The following SLC2A13 variants were observed in gnomAD, a reference collection of about 807,000 sequenced individuals.
SLC2A13 encodes solute carrier family 2 member 13.
In SLC2A13, 32 loss-of-function variants were observed where a neutral mutation model predicts 64.4. The ratio of observed to expected loss-of-function variants is 0.50; its 90% CI spans 0.37 to 0.67. The LOEUF (loss-of-function observed/expected upper bound fraction) is 0.67. Ranked by LOEUF, SLC2A13 falls within the 30% of genes least tolerant of loss-of-function variation. The pLI, the probability that SLC2A13 is intolerant of heterozygous loss-of-function variation, is 0.00. For synonymous variants in SLC2A13, 338 were observed against 327.1 expected, an observed-to-expected ratio of 1.03 and a Z score of -0.36; for missense variants, 743 against 829.2, an observed-to-expected ratio of 0.90 and a Z score of 1.28.
chr12:39,833,341 C>T (rs1050263815), intron 6 of SLC2A13, among the ~76,000 whole-genome samples: 1 of 152,050 alleles, frequency 6.6e-6, no homozygotes, highest in African/African-American at 2.4e-5. Context: ...GGAGATATTT[C>T]GCCCTTTTTT....
chr12:39,891,995 C>T (rs961583944), intron 4 of SLC2A13, among the ~76,000 whole-genome samples: 1 of 152,024 alleles, frequency 6.6e-6, no homozygotes, highest in Non-Finnish European at 1.5e-5. Context: ...TAGGTTTAAT[C>T]AAGTCTATTA....
intron 4 of SLC2A13, among the ~76,000 whole-genome samples, chr12:39,920,580 T>C (rs1592284094): frequency 6.6e-6 from 1 of 152,174 alleles, no homozygotes; most frequent in Middle Eastern, 3.4e-3. Flanking sequence ...TCAGTGAACA[T>C]TTATAGAGAC....
At chr12:39,916,736 G>A (rs1462353013) in intron 4 of SLC2A13, among the ~76,000 whole-genome samples, 1 of 152,044 alleles carries the variant, frequency 6.6e-6, no homozygotes, top group South Asian at 2.1e-4. Context: ...ACAAAATTTA[G>A]AAGTCCTTGT....
Position 39,764,769 on chromosome 12 carries a change from C to T in SLC2A13, c.1535G>A (p.Gly512Asp). 1 of 1,612,752 alleles carries T rather than the reference C, an allele frequency of 6.2e-7. No homozygotes were observed. The highest frequency in any genetic ancestry group is 8.5e-7 in the Non-Finnish European group (1 of 1,179,300). Reference sequence around the variant, plus strand: ...AAAGAAGACAAGATATAAAATAAGGCCCAGAAGTGCAGTCCAGGAGTATGG... The same window carrying T: ...AAAGAAGACAAGATATAAAATAAGGTCCAGAAGTGCAGTCCAGGAGTATGG... ...PTPYSWTALL[G>D]LILYLVFFAP... Residue 512 changes from glycine (G) to aspartate (D), a missense_variant, in exon 8 of 10, where the codon GGC becomes GAC. Physicochemically the swap from Gly to Asp is moderately conservative, Grantham distance 94. Coordinates refer to ENST00000280871, the MANE Select transcript of SLC2A13 (RefSeq NM_052885.4).
In SLC2A13 at chr12:40,014,070, T is replaced by C. The variant is rs1947577933; in HGVS notation, c.925+14231A>G. 4.6e-5 allele frequency among the ~76,000 whole-genome samples: 7 copies of C among 152,208 alleles called. No homozygotes were observed. In the South Asian group the frequency reaches 1.4e-3, roughly 32 times the overall value. ...GAGTACCTGATCTTATCTAGTACAT[T>C]ATAAAAGTTCCTGGAGACAAAAGCC... On this transcript the variant is annotated intron_variant, in intron 3 of 9. Transcript: ENST00000280871.
At chr12:40,077,149 A>C (rs1394147894) in intron 1 of SLC2A13, among the ~76,000 whole-genome samples, 1 of 152,038 alleles carries the variant, frequency 6.6e-6, no homozygotes, top group Non-Finnish European at 1.5e-5. Context: ...GAAGCTCTTT[A>C]GTTTAACTAG....
chr12:39,859,285 C>CA (rs35512219), intron 6 of SLC2A13, among the ~76,000 whole-genome samples: 78,903 of 117,022 alleles, frequency 0.67, 24,480 homozygotes, highest in East Asian at 0.78. Context: ...AAACAAAAAC[C>CA]AAAAAAAAAG....
At chr12:39,872,155 T>C (rs972579888) in intron 4 of SLC2A13, among the ~76,000 whole-genome samples, 194 bp from the exon 5 acceptor site, 2 of 152,186 alleles carry the variant, frequency 1.3e-5, no homozygotes, top group Non-Finnish European at 2.9e-5. Flanking sequence ...AAATTTATTT[T>C]GGAGTTTGTA....
intron 7 of SLC2A13, among the ~76,000 whole-genome samples, chr12:39,824,207 A>G (rs921630677): frequency 1.3e-5 from 2 of 152,228 alleles, no homozygotes; most frequent in Admixed American, 6.5e-5. Context: ...TACAGGTATC[A>G]TTCATTATTC....
intron 1 of SLC2A13, among the ~76,000 whole-genome samples, chr12:40,085,142 T>C (rs947555867): frequency 4.6e-5 from 7 of 152,152 alleles, no homozygotes; most frequent in African/African-American, 1.7e-4. Context: ...GTACCAACAG[T>C]GGAGGACTCC....
At chr12:39,928,026 G>A (rs933999999) in intron 4 of SLC2A13, among the ~76,000 whole-genome samples, 1 of 152,046 alleles carries the variant, frequency 6.6e-6, no homozygotes, top group Admixed American at 6.6e-5. Context: ...TGCAGGAAAC[G>A]AATTACATTT....
chr12:40,086,028 A>G (rs2638275), intron 1 of SLC2A13, among the ~76,000 whole-genome samples: 152,041 of 152,252 alleles, frequency 1, 75,916 homozygotes, highest in Middle Eastern at 1. Flanking sequence ...TAGTAGCGAC[A>G]GGGTTTCACC....
intron 2 of SLC2A13, among the ~76,000 whole-genome samples, chr12:40,031,233 T>A (rs1947898174): frequency 1.3e-5 from 2 of 151,678 alleles, no homozygotes; most frequent in South Asian, 4.2e-4. Context: ...TTTATTTATT[T>A]ATTTTTTTAG....
At chr12:39,781,244 T>C (rs963933053) in intron 7 of SLC2A13, among the ~76,000 whole-genome samples, 17 of 152,162 alleles carry the variant, frequency 1.1e-4, no homozygotes, top group Non-Finnish European at 1.9e-4. Context: ...GTGAATAGCT[T>C]AACAGGTCTA....
At chr12:40,069,266 C>G (rs765332956) in intron 1 of SLC2A13, among the ~76,000 whole-genome samples, 1 of 151,590 alleles carries the variant, frequency 6.6e-6, no homozygotes, top group Non-Finnish European at 1.5e-5. Context: ...GTATTCATTC[C>G]CAGAAATAAT....
At chr12:39,897,306 C>A (rs957387466) in intron 4 of SLC2A13, among the ~76,000 whole-genome samples, 2 of 152,180 alleles carry the variant, frequency 1.3e-5, no homozygotes, top group African/African-American at 2.4e-5. Context: ...CCTGCACAGA[C>A]TATCTGAAAG....
At chr12:39,838,333 G>T (rs963591710) in intron 6 of SLC2A13, among the ~76,000 whole-genome samples, 1 of 123,386 alleles carries the variant, frequency 8.1e-6, no homozygotes, top group South Asian at 2.8e-4. Context: ...ACACTCTGGG[G>T]ACTGTGGTGG....
chr12:39,943,515 C>T (rs529837845), intron 4 of SLC2A13, among the ~76,000 whole-genome samples: 1 of 152,312 alleles, frequency 6.6e-6, no homozygotes, highest in East Asian at 1.9e-4. Context: ...GTGGTGGGAT[C>T]TGCCCAGTTG....
chr12:39,865,449 A>G (rs1277628183), intron 5 of SLC2A13, among the ~76,000 whole-genome samples: 1 of 152,168 alleles, frequency 6.6e-6, no homozygotes, highest in Non-Finnish European at 1.5e-5. Flanking sequence ...AATATATCAC[A>G]TATATTCTTT....
Sources: allele counts gnomAD v4.1 joint callset (sites outside exome capture counted in the v4.1 genomes callset), GRCh38; gene constraint gnomAD v4.1.1; transcripts MANE v1.5; gene names NCBI Gene and HGNC (gene_info 2026-07-23, HGNC 2026-07-21).